The following PACRGL variants were observed in gnomAD, a reference collection of about 807,000 sequenced individuals.
PACRGL encodes the protein PACRG-like protein.
Under a neutral mutation model 34.5 loss-of-function variants are expected in PACRGL, and 38 were observed. That is an observed-to-expected ratio of 1.10 (90% CI 0.85 to 1.44). The LOEUF is 1.44. Ranked by LOEUF, PACRGL falls within the 40% of genes most tolerant of loss-of-function variation. The pLI, the probability that PACRGL is intolerant of heterozygous loss-of-function variation, is 0.00. For missense variants in PACRGL, 305 were observed against 281.4 expected (o/e 1.08, Z -0.60); for synonymous variants, 128 against 100.1 (o/e 1.28, Z -1.66).
At chr4:20,707,967 C>A in intron 4 of PACRGL, 97 bp downstream of exon 4, 1 of 913,284 alleles carries the variant, frequency 1.1e-6, no homozygotes, top group Non-Finnish European at 1.7e-6. Flanking sequence ...GTTTTATTTA[C>A]TAGTGAGGTT....
At chr4:20,704,935 A>T (rs1212345470) in intron 3 of PACRGL, 121 bp downstream of exon 3, 2 of 1,111,032 alleles carry the variant, frequency 1.8e-6, no homozygotes, top group East Asian at 4.9e-5. Context: ...ATAATGAGAG[A>T]AGGGCATGTG....
At chr4:20,751,930 G>A (rs1284653162) in intron 8 of PACRGL, among the ~76,000 whole-genome samples, 1 of 152,072 alleles carries the variant, frequency 6.6e-6, no homozygotes, top group Non-Finnish European at 1.5e-5. Context: ...GAGTCAGACT[G>A]CCTGAATTTC....
At chr4:20,757,639 C>G (rs1754592074), downstream of PACRGL, among the ~76,000 whole-genome samples, 1 of 152,172 alleles carries the variant, frequency 6.6e-6, no homozygotes, top group African/African-American at 2.4e-5. Flanking sequence ...CATGTCCCTA[C>G]TGCCTTTTAA....
chr4:20,750,168 CATT>C (rs982401994), intron 8 of PACRGL, among the ~76,000 whole-genome samples: 4 of 152,206 alleles, frequency 2.6e-5, no homozygotes, highest in African/African-American at 9.7e-5. Context: ...GAACTTTCAT[CATT>C]GTTACAACTC....
Position 20,727,399 on chromosome 4 carries a change from T to TG in PACRGL, c.*61dup. 1.5e-6 allele frequency: 2 copies of TG among 1,354,464 alleles called. No individual in the cohort carries two copies. Among genetic ancestry groups the TG allele is most frequent in the Non-Finnish European group, 2.1e-6 (2 of 947,258 alleles). 83.9% of individuals were successfully genotyped at this position (1,354,464 alleles called of 1,614,324 possible). The stretch of plus-strand genomic sequence containing the variant: ...CTGTTGACGTGTCAAGCACTAACTG[T>TG]GGGTACTCATTTATTTTATTCTTTT... On this transcript the variant is annotated 3_prime_UTR_variant, in exon 9 of 9. Transcript: ENST00000503585.
upstream of PACRGL, among the ~76,000 whole-genome samples, chr4:20,699,468 C>T (rs1412916483): frequency 6.6e-6 from 1 of 152,196 alleles, no homozygotes; most frequent in Non-Finnish European, 1.5e-5. Context: ...TGAATACCCA[C>T]TGCATTATGC....
intron 7 of PACRGL, among the ~76,000 whole-genome samples, chr4:20,721,280 T>C (rs1211278459): frequency 6.6e-6 from 1 of 152,146 alleles, no homozygotes; most frequent in Non-Finnish European, 1.5e-5. Context: ...ACTTCCTCCT[T>C]TTGCTCGCAA....
At chr4:20,701,227 T>C (rs79082372) in intron 1 of PACRGL, among the ~76,000 whole-genome samples, 5,482 of 152,204 alleles carry the variant, frequency 0.036, 194 homozygotes, top group East Asian at 0.18. Context: ...GGGAAAGAAA[T>C]AGGCTATATC....
the PACRGL span, chr4:20,766,859 G>C: frequency 6.6e-6 from 1 of 152,110 alleles, no homozygotes; most frequent in African/African-American, 2.4e-5. Flanking sequence ...TAGAAGGCCT[G>C]GGTTGAACCC....
At chr4:20,758,437 A>T in the PACRGL span, among the ~76,000 whole-genome samples, 1 of 152,154 alleles carries the variant, frequency 6.6e-6, no homozygotes, top group East Asian at 1.9e-4. Context: ...CCCAGATTTC[A>T]TATCTATAAA....
At chr4:20,742,604 TATC>T (rs1005138637) in intron 8 of PACRGL, among the ~76,000 whole-genome samples, 1 of 152,142 alleles carries the variant, frequency 6.6e-6, no homozygotes, top group African/African-American at 2.4e-5. Flanking sequence ...CCACAGCCAA[TATC>T]ATACTGAATG....
downstream of PACRGL, among the ~76,000 whole-genome samples, chr4:20,735,784 C>T (rs1360975172): frequency 2.0e-5 from 3 of 152,038 alleles, no homozygotes; most frequent in South Asian, 2.1e-4. Context: ...ATCTGCCCAC[C>T]GCCGCCTCTC....
chr4:20,761,973 C>T, the PACRGL span, among the ~76,000 whole-genome samples: 2 of 152,094 alleles, frequency 1.3e-5, no homozygotes, highest in Non-Finnish European at 2.9e-5. Flanking sequence ...TACAATAAAC[C>T]AGTCAAAGGT....
chr4:20,714,653 A>G (rs978460345), intron 7 of PACRGL, among the ~76,000 whole-genome samples: 1 of 152,086 alleles, frequency 6.6e-6, no homozygotes, highest in Non-Finnish European at 1.5e-5. Flanking sequence ...GTTCCTTTCC[A>G]TGTTTAGTGC....
At chr4:20,762,660 T>G in the PACRGL span, among the ~76,000 whole-genome samples, 1 of 152,226 alleles carries the variant, frequency 6.6e-6, no homozygotes, top group African/African-American at 2.4e-5. Context: ...CAATGTGCTG[T>G]ATTAGTTAAC....
Position 20,744,604 on chromosome 4 carries a change from C to T in PACRGL, c.*57-7961C>T, listed in dbSNP as rs187107320. ...GACATAGGATGGAGAACATCACACACGGGGGCCTGATGAGGGGTCAGGGGG... is the reference window on the plus strand; with the variant it reads ...GACATAGGATGGAGAACATCACACATGGGGGCCTGATGAGGGGTCAGGGGG... On this transcript the variant is annotated intron_variant, in intron 8 of 8. Transcript: ENST00000507634. Among the ~76,000 whole-genome samples the T allele has an allele frequency of 3.2e-3, 477 of 149,002 alleles. 1 individual carries two copies. The highest frequency in any genetic ancestry group is 0.01 in the African/African-American group (417 of 40,328).
chr4:20,704,119 A>G (rs1297045086), intron 1 of PACRGL, among the ~76,000 whole-genome samples: 2 of 152,178 alleles, frequency 1.3e-5, no homozygotes, highest in Non-Finnish European at 2.9e-5. Flanking sequence ...GGAGAAGATG[A>G]CAGGGAATGT....
intron 1 of PACRGL, among the ~76,000 whole-genome samples, chr4:20,703,644 T>C (rs1281807268): frequency 6.6e-6 from 1 of 152,154 alleles, no homozygotes; most frequent in Non-Finnish European, 1.5e-5. Flanking sequence ...TGAACCAGTA[T>C]TCCCTGGGTG....
rs1366934093 is a variant in PACRGL at position 20,730,690 on chromosome 4, T to C, written c.*3349T>C. ...TGAAGGAGCCTTTAAAAATGAATGG[T>C]CTCTCAATTACAGAGAAAGAATTGG... is the stretch of plus-strand genomic sequence containing the variant. On this transcript the variant is annotated 3_prime_UTR_variant, in exon 9 of 9. Coordinates refer to ENST00000503585, the MANE Select transcript of PACRGL (RefSeq NM_001258345.3). 6.6e-6 allele frequency among the ~76,000 whole-genome samples: 1 copy of C among 152,126 alleles called. No individual in the cohort carries two copies. Among genetic ancestry groups the C allele is most frequent in the Non-Finnish European group, 1.5e-5 (1 of 68,002 alleles).
Sources: gnomAD v4.1 joint callset for allele counts (sites outside exome capture counted in the v4.1 genomes callset) on GRCh38, gnomAD v4.1.1 for gene constraint, MANE v1.5 for transcripts, NCBI Gene and HGNC (gene_info 2026-07-23, HGNC 2026-07-21) for gene names.